Variants in IL1RAP observed in about 807,000 individuals in gnomAD.
The protein encoded by IL1RAP is interleukin-1 receptor accessory protein.
IL1RAP carries 35 observed loss-of-function variants against 60.7 expected under a neutral mutation model. The ratio of observed to expected loss-of-function variants is 0.58; its 90% CI spans 0.44 to 0.76. IL1RAP has a LOEUF of 0.76. Ranked by LOEUF, IL1RAP falls within the 30% of genes least tolerant of loss-of-function variation. The probability of loss-of-function intolerance (pLI) is 0.00; values close to 1 mark genes in which losing one functional copy is unlikely to be tolerated. For synonymous variants in IL1RAP, 268 were observed against 250.9 expected, an observed-to-expected ratio of 1.07 and a Z score of -0.64; for missense variants, 572 against 693.9, an observed-to-expected ratio of 0.82 and a Z score of 1.97.
downstream of IL1RAP, among the ~76,000 whole-genome samples, chr3:190,653,451 C>T (rs887356154): frequency 6.6e-6 from 1 of 152,148 alleles, no homozygotes; most frequent in African/African-American, 2.4e-5. Context: ...TTTGAAACCA[C>T]ATTCGTCTTC....
chr3:190,557,694 T>C (rs971746021), intron 2 of IL1RAP, among the ~76,000 whole-genome samples: 2 of 152,172 alleles, frequency 1.3e-5, no homozygotes, highest in African/African-American at 4.8e-5. Context: ...ATAGAAACCA[T>C]ATTTAGGTTA....
chr3:190,647,560 T>A (rs550618211), intron 11 of IL1RAP, among the ~76,000 whole-genome samples: 1 of 152,322 alleles, frequency 6.6e-6, no homozygotes, highest in African/African-American at 2.4e-5. Flanking sequence ...AGAAAGCATT[T>A]GCCTGTTAGT....
intron 1 of IL1RAP, among the ~76,000 whole-genome samples, chr3:190,547,568 A>T (rs780629346): frequency 2.5e-4 from 38 of 152,190 alleles, no homozygotes; most frequent in Non-Finnish European, 1.2e-4. Flanking sequence ...CTGGAATATT[A>T]TCTTTGTGTT....
At chr3:190,620,569 T>G (rs1731692204) in intron 6 of IL1RAP, 129 bp downstream of exon 6, 1 of 774,224 alleles carries the variant, frequency 1.3e-6, no homozygotes, top group South Asian at 1.8e-5. Flanking sequence ...TTTACAGTAC[T>G]GTCTCTAGAG....
downstream of IL1RAP, chr3:190,655,756 A>ATC: frequency 7.8e-6 from 5 of 637,092 alleles, no homozygotes; most frequent in South Asian, 2.4e-5. Context: ...TTGACTGGGT[A>ATC]AATTATTCAG....
chr3:190,620,276 G>A lies in IL1RAP; in HGVS notation c.539G>A (p.Gly180Asp), dbSNP rs1445065273. Residue 180 changes from glycine (G) to aspartate (D), a missense_variant and splice_region_variant, in exon 6 of 12, where the codon GGC (glycine) becomes GAC (aspartate). Gly to Asp is a moderately conservative substitution (Grantham distance 94). Coordinates refer to ENST00000447382, the MANE Select transcript of IL1RAP (RefSeq NM_002182.4). Reference sequence around the variant, plus strand: ...TTTTTTTTTTTTTACTTTTTCTAGGGCTGTTATAAAATACAGAATTTTAAT... The same window carrying A: ...TTTTTTTTTTTTTACTTTTTCTAGGACTGTTATAAAATACAGAATTTTAAT... ...SVKPTITWYM[G>D]CYKIQNFNNV... 2 of 1,523,942 alleles carry A rather than the reference G, an allele frequency of 1.3e-6. No homozygotes were observed. The highest frequency in any genetic ancestry group is 1.8e-6 in the Non-Finnish European group (2 of 1,124,712). 94.4% of individuals were successfully genotyped at this position (1,523,942 alleles called of 1,614,324 possible).
chr3:190,579,918 AT>A (rs1211813086), intron 3 of IL1RAP, among the ~76,000 whole-genome samples: 5 of 152,172 alleles, frequency 3.3e-5, no homozygotes, highest in Admixed American at 1.3e-4. Context: ...TCACTACATC[AT>A]TTTTTAGTGA....
intron 3 of IL1RAP, among the ~76,000 whole-genome samples, chr3:190,579,514 C>A (rs922263947): frequency 1.3e-5 from 2 of 152,128 alleles, no homozygotes; most frequent in African/African-American, 4.8e-5. Flanking sequence ...AAGGTTTTGT[C>A]CTCTGTTCCC....
chr3:190,656,256 AAGG>A (rs1420878189), downstream of IL1RAP: 25 of 1,537,066 alleles, frequency 1.6e-5, no homozygotes, highest in Middle Eastern at 1.7e-4. Flanking sequence ...ATCACGTTCA[AAGG>A]AGGAGAAGTC....
chr3:190,616,834 G>A (rs1731320410), intron 5 of IL1RAP, among the ~76,000 whole-genome samples: 1 of 152,150 alleles, frequency 6.6e-6, no homozygotes, highest in African/African-American at 2.4e-5. Flanking sequence ...AACGTGTCGA[G>A]CATTTACCAA....
Position 190,648,609 on chromosome 3 carries a change from G to T in IL1RAP, c.1617G>T (p.Trp539Cys). The T allele has an allele frequency of 6.2e-7, 1 of 1,614,164 alleles. No individual in the cohort carries two copies. The highest frequency in any genetic ancestry group is 1.1e-5 in the South Asian group (1 of 91,082). Residue 539 changes from tryptophan to cysteine, a missense_variant, in exon 12 of 12, where the codon TGG becomes TGT. Physicochemically the swap from Trp to Cys is radical, Grantham distance 215. Transcript: ENST00000447382. ...EKSKYPQGRF[W>C]KQLQVAMPVK... is the part of the protein sequence containing the mutation. Reference sequence around the variant, plus strand: ...CCAAGTATCCACAGGGCAGGTTCTGGAAGCAGCTGCAGGTGGCCATGCCAG... The same window carrying T: ...CCAAGTATCCACAGGGCAGGTTCTGTAAGCAGCTGCAGGTGGCCATGCCAG...
At chr3:190,594,813 C>T (rs902400003) in intron 3 of IL1RAP, among the ~76,000 whole-genome samples, 7 of 152,146 alleles carry the variant, frequency 4.6e-5, no homozygotes, top group African/African-American at 1.7e-4. Flanking sequence ...TAATTATAAC[C>T]AGTACATGTA....
At chr3:190,610,419 G>A in intron 5 of IL1RAP, among the ~76,000 whole-genome samples, 1 of 151,558 alleles carries the variant, frequency 6.6e-6, no homozygotes. Flanking sequence ...AATCATTTTA[G>A]AAATGAAGAT....
chr3:190,653,913 G>A (rs762875521), downstream of IL1RAP, among the ~76,000 whole-genome samples: 3 of 151,888 alleles, frequency 2.0e-5, no homozygotes, highest in African/African-American at 4.8e-5. Flanking sequence ...AAGATCCTTC[G>A]GTATAGCCCA....
intron 3 of IL1RAP, among the ~76,000 whole-genome samples, chr3:190,595,953 C>T (rs759422278): frequency 3.3e-5 from 5 of 152,148 alleles, no homozygotes; most frequent in Non-Finnish European, 5.9e-5. Context: ...TCAGCTAATA[C>T]GTACTGAGCT....
chr3:190,522,758 G>C (rs16865550), intron 1 of IL1RAP, among the ~76,000 whole-genome samples: 1,565 of 152,238 alleles, frequency 0.01, 23 homozygotes, highest in African/African-American at 0.035. Flanking sequence ...ATGTGTAGGA[G>C]GAATTAGACC....
chr3:190,567,019 T>A (rs545042656), intron 3 of IL1RAP, among the ~76,000 whole-genome samples: 1 of 152,336 alleles, frequency 6.6e-6, no homozygotes, highest in South Asian at 2.1e-4. Context: ...ATCATATTAG[T>A]AAGACATTTA....
Position 190,629,359 on chromosome 3 carries a change from T to C in IL1RAP, c.912T>C (p.His304=). The part of the protein sequence containing the change: ...IDVTINESIS[H]SRTEDETRTQ... ...TTCTCTCTATTTCTAGTATAAGTCA[T>C]AGTAGAACAGAAGATGAAACAAGAA... The change falls in exon 9 of 12, where the codon CAT becomes CAC. Residue 304 remains histidine, a synonymous_variant. Transcript: ENST00000447382. 4 of 1,606,978 alleles carry C rather than the reference T, an allele frequency of 2.5e-6. No individual in the cohort carries two copies. Among genetic ancestry groups the C allele is most frequent in the South Asian group, 1.1e-5 (1 of 90,512 alleles).
intron 4 of IL1RAP, among the ~76,000 whole-genome samples, chr3:190,608,052 G>A (rs1396942145): frequency 6.6e-6 from 1 of 152,144 alleles, no homozygotes; most frequent in Non-Finnish European, 1.5e-5. Flanking sequence ...TGCCATTCAT[G>A]CCTCTGCCTT....
Sources: allele counts gnomAD v4.1 joint callset (sites outside exome capture counted in the v4.1 genomes callset), GRCh38; gene constraint gnomAD v4.1.1; transcripts MANE v1.5; gene names NCBI Gene and HGNC (gene_info 2026-07-23, HGNC 2026-07-21).